The following MYO7B variants were observed in gnomAD, a reference collection of about 807,000 sequenced individuals.
The protein encoded by MYO7B is unconventional myosin-VIIb.
Under a neutral mutation model 259.7 loss-of-function variants are expected in MYO7B, and 212 were observed. That is an observed-to-expected ratio of 0.82 (90% confidence interval 0.73 to 0.91). The LOEUF (loss-of-function observed/expected upper bound fraction) is 0.91, where lower values mean the gene tolerates loss of function less well. Among genes scored for constraint, MYO7B ranks in the 40% least tolerant of loss-of-function variants. MYO7B has a pLI of 0.00. For missense variants in MYO7B, 2,732 were observed against 2,813.5 expected, an observed-to-expected ratio of 0.97 and a Z score of 0.66; for synonymous variants, 1,197 against 1,166.4, an observed-to-expected ratio of 1.03 and a Z score of -0.54.
chr2:127,542,715 C>T (rs947655075), intron 1 of MYO7B, among the ~76,000 whole-genome samples: 7 of 152,048 alleles, frequency 4.6e-5, no homozygotes, highest in African/African-American at 1.7e-4. Context: ...ATATGGAGGA[C>T]CCACACTGGC....
chr2:127,568,107 G>A (rs184217650), intron 5 of MYO7B, among the ~76,000 whole-genome samples: 6 of 152,318 alleles, frequency 3.9e-5, no homozygotes, highest in Admixed American at 1.3e-4. Flanking sequence ...CTGTTCCAGT[G>A]GTACACAGCA....
At chr2:127,558,311 TAC>T (rs1677912695) in intron 1 of MYO7B, among the ~76,000 whole-genome samples, 1 of 152,188 alleles carries the variant, frequency 6.6e-6, no homozygotes, top group Non-Finnish European at 1.5e-5. Context: ...ACCTTACTCC[TAC>T]AAGAATGGCC....
chr2:127,634,363 G>T, intron 41 of MYO7B, 74 bp downstream of exon 41: 1 of 1,196,170 alleles, frequency 8.4e-7, no homozygotes, highest in African/African-American at 1.5e-5. Flanking sequence ...GCCTGTGGGG[G>T]CCTCAGCCTA....
intron 18 of MYO7B, 32 bp downstream of exon 18, chr2:127,593,676 C>T (rs777055252): frequency 6.3e-7 from 1 of 1,593,306 alleles, no homozygotes; most frequent in South Asian, 1.1e-5. Context: ...CAGCTGTCGG[C>T]CTCCTGCAGC....
At chr2:127,538,157 G>A (rs1440752830) in intron 1 of MYO7B, among the ~76,000 whole-genome samples, 1 of 152,138 alleles carries the variant, frequency 6.6e-6, no homozygotes, top group Non-Finnish European at 1.5e-5. Flanking sequence ...TGAGGGTGGG[G>A]AACGGGGGAT....
rs1680147611 is a variant in MYO7B, at chr2:127,606,020, G to C, written c.2424+92G>C. ...TTGTAAAGTTTGTTTCTCTGAATGAGAGACCTCAGGCAGGAAGGATCAAAT... is the reference window on the plus strand; with the variant it reads ...TTGTAAAGTTTGTTTCTCTGAATGACAGACCTCAGGCAGGAAGGATCAAAT... On this transcript the variant is annotated intron_variant, in intron 20 of 47. Transcript: ENST00000409816. The C allele has an allele frequency of 1.4e-5, 15 of 1,039,672 alleles. No individual in the cohort carries two copies. In the South Asian group the frequency reaches 2.1e-4, roughly 14 times the overall value. The allele number at this position is 1,039,672 out of a possible 1,614,324, so 64.4% of individuals were successfully genotyped here.
chr2:127,604,539 G>A (rs553703303), intron 19 of MYO7B, among the ~76,000 whole-genome samples: 8 of 152,238 alleles, frequency 5.3e-5, no homozygotes, highest in Admixed American at 1.3e-4. Context: ...CTTTTCGTTC[G>A]TATTCACAAC....
In MYO7B at chr2:127,609,996, C is replaced by T. The variant is rs2105034554; in HGVS notation, c.3172C>T (p.Gln1058Ter). ...LGREHGAQVP[Q>*]HSRSAQRSGC... ...CAGGGAGCACGGTGCCCAGGTTCCA[C>T]AGCACAGTAGATCTGCACAGGCAAG... The change falls in exon 24 of 48, where the codon CAG (glutamine) becomes TAG (stop). Residue 1058 changes from glutamine (Q) to a stop codon, truncating the protein, a stop_gained. Transcript: ENST00000409816. LOFTEE classifies it high-confidence loss of function. This position sits in a 1 kb window ranked among gnomAD's most constrained non-coding sequence, Gnocchi z 6.9. The T allele has an allele frequency of 1.2e-6, 2 of 1,609,406 alleles. No homozygotes were observed. The highest frequency in any genetic ancestry group is 4.5e-5 in the East Asian group (2 of 44,570).
Position 127,627,976 on chromosome 2 carries a change from C to T in MYO7B, c.4461-396C>T. ...TTTCCTGTATGCCACGAAGTACCGA[C>T]AGCATCACCCATTCTGCAGATGAGC... On this transcript the variant is annotated intron_variant, in intron 33 of 47. Coordinates refer to ENST00000409816, the MANE Select transcript of MYO7B (RefSeq NM_001393586.1). The surrounding 1 kb of genome is among the most constrained non-coding windows in gnomAD (Gnocchi z 5.6). The T allele has an allele frequency of 2.1e-6, 1 of 469,128 alleles. No individual in the cohort carries two copies. The highest frequency in any genetic ancestry group is 1.5e-5 in the South Asian group (1 of 64,684). The allele number at this position is 469,128 out of a possible 1,614,324, so 29.1% of individuals were successfully genotyped here.
chr2:127,631,730 G>A lies in MYO7B; in HGVS notation c.5226G>A (p.Lys1742=). Residue 1742 remains lysine, a synonymous_variant, in exon 38 of 48, where the codon AAG becomes AAA. Transcript: ENST00000409816. ...LQDEVYCQIL[K]QLTHNSNRHS... ...ACGAGGTCTACTGCCAGATCCTGAA[G>A]CAGCTGACGCACAACTCCAACAGGT... 6.2e-7 allele frequency: 1 copy of A among 1,612,868 alleles called. No individual in the cohort carries two copies. The highest frequency in any genetic ancestry group is 8.5e-7 in the Non-Finnish European group (1 of 1,179,822).
chr2:127,598,132 T>C (rs1461911424), intron 19 of MYO7B, among the ~76,000 whole-genome samples: 1 of 152,164 alleles, frequency 6.6e-6, no homozygotes, highest in Non-Finnish European at 1.5e-5. Flanking sequence ...TGCCCAGGAG[T>C]GCAGTTGCTG....
At chr2:127,552,027 G>T (rs772180510) in intron 1 of MYO7B, among the ~76,000 whole-genome samples, 5 of 152,180 alleles carry the variant, frequency 3.3e-5, no homozygotes, top group Non-Finnish European at 7.3e-5. Context: ...GAGAGATCAG[G>T]AATCAGTTCA....
chr2:127,636,492 G>A lies in MYO7B; in HGVS notation c.6124-53G>A. ...TGTGGCCTAGATGAGCTCCTGGGAG[G>A]TGCAGCCTGGCCTCCCGGGCTGGAC... is the stretch of plus-strand genomic sequence containing the variant. On this transcript the variant is annotated intron_variant, in intron 45 of 47. Transcript: ENST00000409816. The surrounding 1 kb of genome is among the most constrained non-coding windows in gnomAD (Gnocchi z 4.5). The A allele has an allele frequency of 6.4e-7, 1 of 1,553,806 alleles. No homozygotes were observed. Among genetic ancestry groups the A allele is most frequent in the Non-Finnish European group, 8.8e-7 (1 of 1,139,704 alleles).
In MYO7B at chr2:127,625,238, G is replaced by T. The variant is rs1425796429; in HGVS notation, c.4048-130G>T. On this transcript the variant is annotated intron_variant, in intron 30 of 47. Coordinates refer to ENST00000409816, the MANE Select transcript of MYO7B (RefSeq NM_001393586.1). ...GTCAGGGCATGCAGGGAGGGGGAAG[G>T]TCCTGCCCGAGCCACAGGTTAGCTC... The T allele has an allele frequency of 2.7e-6, 3 of 1,115,978 alleles. No homozygotes were observed. The African/African-American group carries it at 4.8e-5, about 18-fold the overall frequency. The allele number at this position is 1,115,978 out of a possible 1,614,324, so 69.1% of individuals were successfully genotyped here. A position where few individuals can be genotyped will look rare whatever the true frequency, so the allele number is the denominator to read the frequency against.
In MYO7B at chr2:127,627,487, C is replaced by T. The variant is rs1488611772; in HGVS notation, c.4460+177C>T. The T allele has an allele frequency of 6.9e-6, 6 of 871,164 alleles. No individual in the cohort carries two copies. The highest frequency in any genetic ancestry group is 1.4e-5 in the South Asian group (1 of 69,960). The allele number at this position is 871,164 out of a possible 1,614,324, so 54.0% of individuals were successfully genotyped here. A position where few individuals can be genotyped will look rare whatever the true frequency, so the allele number is the denominator to read the frequency against. On this transcript the variant is annotated intron_variant, in intron 33 of 47. Coordinates refer to ENST00000409816, the MANE Select transcript of MYO7B (RefSeq NM_001393586.1). This position sits in a 1 kb window ranked among gnomAD's most constrained non-coding sequence, Gnocchi z 5.6. ...ACTTCGGAGCCCCACCCTCCTGCAC[C>T]AGGCCGTACTGCCCATGAAGTACTC... is the stretch of plus-strand genomic sequence containing the variant.
chr2:127,580,075 C>A (rs781490281), intron 9 of MYO7B, among the ~76,000 whole-genome samples: 1 of 152,178 alleles, frequency 6.6e-6, no homozygotes, highest in African/African-American at 2.4e-5. Context: ...AGCGTGGTTA[C>A]GTGGTGCTGA....
At chr2:127,593,068 G>A (rs1348194119) in intron 17 of MYO7B, 122 bp downstream of exon 17, 2 of 1,293,356 alleles carry the variant, frequency 1.5e-6, no homozygotes, top group Non-Finnish European at 1.1e-6. Flanking sequence ...GCCTTGCGAT[G>A]AGCCCTGTCC....
At chr2:127,620,256 C>A in intron 26 of MYO7B, 84 bp from the exon 27 acceptor site, 1 of 1,504,210 alleles carries the variant, frequency 6.6e-7, no homozygotes, top group East Asian at 2.3e-5. Context: ...CTCAGAGGTG[C>A]ACAAGAGCTG....
intron 40 of MYO7B, 51 bp from the exon 41 acceptor site, chr2:127,634,125 G>A: frequency 7.0e-7 from 1 of 1,438,328 alleles, no homozygotes; most frequent in East Asian, 2.5e-5. Context: ...ATCCTGGGCT[G>A]TACTGGCCCC....
Sources: allele counts gnomAD v4.1 joint callset (sites outside exome capture counted in the v4.1 genomes callset), GRCh38; gene constraint gnomAD v4.1.1; non-coding constraint Gnocchi (gnomAD v3.1); transcripts MANE v1.5; gene names NCBI Gene and HGNC (gene_info 2026-07-23, HGNC 2026-07-21).